Variants in NDUFA10 observed in about 807,000 individuals in gnomAD.
NDUFA10 encodes the protein NADH dehydrogenase [ubiquinone] 1 alpha subcomplex subunit 10, mitochondrial.
Under a neutral mutation model 47.8 loss-of-function variants are expected in NDUFA10, and 40 were observed. That is an observed-to-expected ratio of 0.84 (90% CI 0.65 to 1.09). NDUFA10 has a LOEUF of 1.09. Among genes scored for constraint, NDUFA10 ranks in the 50% least tolerant of loss-of-function variants. The pLI, the probability that NDUFA10 is intolerant of heterozygous loss-of-function variation, is 0.00. For missense variants in NDUFA10, 413 were observed against 451.1 expected (o/e 0.92, Z 0.76); for synonymous variants, 183 against 172.2 (o/e 1.06, Z -0.49).
intron 4 of NDUFA10, among the ~76,000 whole-genome samples, chr2:239,923,997 G>C (rs1275892411): frequency 6.6e-6 from 1 of 152,072 alleles, no homozygotes; most frequent in Non-Finnish European, 1.5e-5. Context: ...CAACTTAGAT[G>C]ACATGGATCA....
rs1559316554 is a variant in NDUFA10 at position 239,959,203 on chromosome 2, CAGGGGATGATCAGAGCA to C, written c.*1898_*1914del. 118 of 709,496 alleles carry C rather than the reference CAGGGGATGATCAGAGCA, an allele frequency of 1.7e-4. No homozygotes were observed. Among genetic ancestry groups the C allele is most frequent in the Non-Finnish European group, 9.4e-5 (55 of 587,474 alleles). The allele number at this position is 709,496 out of a possible 1,614,324, so 44.0% of individuals were successfully genotyped here. A position where few individuals can be genotyped will look rare whatever the true frequency, so the allele number is the denominator to read the frequency against. ...AACCACACAGGGTCAGACGCAAACA[CAGGGGATGATCAGAGCA>C]CCCGAGTCCACACCATGCCGACACG... On this transcript the variant is annotated 3_prime_UTR_variant, in exon 10 of 10. Transcript: ENST00000252711.
chr2:239,933,154 C>A (rs141570398), intron 4 of NDUFA10, among the ~76,000 whole-genome samples: 20 of 152,234 alleles, frequency 1.3e-4, no homozygotes, highest in Non-Finnish European at 2.2e-4. Flanking sequence ...AGGGAGGGAC[C>A]CCCAGGAGGC....
chr2:239,920,970 T>C (rs1235297537), intron 4 of NDUFA10, among the ~76,000 whole-genome samples: 2 of 152,166 alleles, frequency 1.3e-5, no homozygotes, highest in Non-Finnish European at 2.9e-5. Flanking sequence ...GAAGGCTGAA[T>C]GCCTAGAGAT....
At chr2:239,965,072 G>A (rs984426636) in intron 9 of NDUFA10, among the ~76,000 whole-genome samples, 2 of 152,128 alleles carry the variant, frequency 1.3e-5, no homozygotes, top group South Asian at 4.1e-4. Flanking sequence ...GGAAGGGCTG[G>A]GTTTGGGACA....
intron 4 of NDUFA10, among the ~76,000 whole-genome samples, chr2:239,908,032 T>C (rs1197591583): frequency 6.6e-6 from 1 of 152,106 alleles, no homozygotes; most frequent in Non-Finnish European, 1.5e-5. Flanking sequence ...ATTAAGAAAA[T>C]GTGGTACATA....
At chr2:240,000,793 A>G (rs1696678329) in intron 8 of NDUFA10, among the ~76,000 whole-genome samples, 1 of 152,222 alleles carries the variant, frequency 6.6e-6, no homozygotes, top group South Asian at 2.1e-4. Context: ...TGCCAACAGT[A>G]TTCAGTACTG....
chr2:239,976,310 C>T (rs990930668), intron 9 of NDUFA10, among the ~76,000 whole-genome samples: 3 of 152,166 alleles, frequency 2.0e-5, no homozygotes, highest in Non-Finnish European at 2.9e-5. Context: ...TGCGATCTCG[C>T]CCCACTCGCC....
At chr2:239,927,195 A>G (rs926120571) in intron 4 of NDUFA10, among the ~76,000 whole-genome samples, 1 of 152,146 alleles carries the variant, frequency 6.6e-6, no homozygotes, top group African/African-American at 2.4e-5. Context: ...GTGCCTTAGT[A>G]TTTTTTTAAA....
At chr2:239,969,738 T>C (rs1377165103) in intron 9 of NDUFA10, 1 of 471,320 alleles carries the variant, frequency 2.1e-6, no homozygotes, top group East Asian at 6.9e-5. Flanking sequence ...ACATCTAATC[T>C]CTTGGCTTCT....
At chr2:239,982,076 T>TAAACA (rs1384582189) in intron 9 of NDUFA10, 4 of 1,610,898 alleles carry the variant, frequency 2.5e-6, no homozygotes, top group Non-Finnish European at 3.4e-6. Context: ...CAAATGCTGT[T>TAAACA]TGCTCCCCTG....
intron 4 of NDUFA10, among the ~76,000 whole-genome samples, chr2:239,949,285 A>G (rs984994398): frequency 6.6e-6 from 1 of 152,220 alleles, no homozygotes; most frequent in Non-Finnish European, 1.5e-5. Flanking sequence ...TAGCAATTGT[A>G]CAGATCAGCT....
intron 4 of NDUFA10, among the ~76,000 whole-genome samples, chr2:239,914,926 G>T (rs893337482): frequency 1.4e-5 from 2 of 141,430 alleles, no homozygotes; most frequent in African/African-American, 5.6e-5. Flanking sequence ...CAAATATACA[G>T]ATACAGAGAG....
At chr2:239,963,751 G>A (rs375986830) in intron 9 of NDUFA10, among the ~76,000 whole-genome samples, 1 of 152,188 alleles carries the variant, frequency 6.6e-6, no homozygotes, top group African/African-American at 2.4e-5. Flanking sequence ...AACTGAGGGA[G>A]GCAGCGCCAT....
intron 4 of NDUFA10, among the ~76,000 whole-genome samples, chr2:239,910,120 A>G (rs552681887): frequency 6.6e-6 from 1 of 152,316 alleles, no homozygotes; most frequent in East Asian, 1.9e-4. Context: ...GTTGGTGGGA[A>G]TGTAAATTAG....
intron 4 of NDUFA10, among the ~76,000 whole-genome samples, chr2:239,916,282 CAG>C (rs1418106898): frequency 2.0e-4 from 31 of 151,736 alleles, no homozygotes; most frequent in African/African-American, 7.3e-4. Flanking sequence ...CACACATACA[CAG>C]ATACAAATAT....
In NDUFA10 at chr2:239,958,051, G is replaced by A. The variant is rs564992184; in HGVS notation, c.*3067C>T. On this transcript the variant is annotated 3_prime_UTR_variant, in exon 10 of 10. Transcript: ENST00000252711. ...TCCTAAAGCAAAGCCTCAGGCTCCC[G>A]GCTTCTATTTATATCCACATGTAAA... The A allele has an allele frequency of 9.9e-5, 15 of 152,246 alleles. No individual in the cohort carries two copies. The highest frequency in any genetic ancestry group is 1.8e-4 in the Non-Finnish European group (12 of 68,020). The allele number at this position is 152,246 out of a possible 1,614,324, so 9.4% of individuals were successfully genotyped here. A position where few individuals can be genotyped will look rare whatever the true frequency, so the allele number is the denominator to read the frequency against.
chr2:239,924,084 T>C (rs1694032826), intron 4 of NDUFA10, among the ~76,000 whole-genome samples: 1 of 152,160 alleles, frequency 6.6e-6, no homozygotes, highest in African/African-American at 2.4e-5. Flanking sequence ...AAAGTCTCCA[T>C]GCCCAGGTGG....
At chr2:239,924,087 C>G (rs77646061) in intron 4 of NDUFA10, among the ~76,000 whole-genome samples, 6,994 of 152,072 alleles carry the variant, frequency 0.046, 454 homozygotes, top group African/African-American at 0.15. Flanking sequence ...GTCTCCATGC[C>G]CAGGTGGTAT....
Position 239,959,843 on chromosome 2 carries a change from AG to A in NDUFA10, c.*1274del. On this transcript the variant is annotated 3_prime_UTR_variant, in exon 10 of 10. Transcript: ENST00000252711. ...GGAAGGAGGAGGAAAGAAGGAGGGA[AG>A]GAAGGGGAGAGGGAAAAAGGCAGGC... is the stretch of plus-strand genomic sequence containing the variant. The A allele has an allele frequency of 1.1e-6, 1 of 952,116 alleles. No homozygotes were observed. Among genetic ancestry groups the A allele is most frequent in the Non-Finnish European group, 1.3e-6 (1 of 799,720 alleles). 59.0% of individuals were successfully genotyped at this position (952,116 alleles called of 1,614,324 possible).
Sources: allele counts gnomAD v4.1 joint callset (sites outside exome capture counted in the v4.1 genomes callset), GRCh38; gene constraint gnomAD v4.1.1; transcripts MANE v1.5; gene names NCBI Gene and HGNC (gene_info 2026-07-23, HGNC 2026-07-21).